The following SOX5 variants were observed in gnomAD, a reference collection of about 807,000 sequenced individuals.
SOX5 encodes the protein transcription factor SOX-5.
SOX5 carries 9 observed loss-of-function variants against 92.0 expected under a neutral mutation model. The ratio of observed to expected loss-of-function variants is 0.10; its 90% confidence interval spans 0.06 to 0.17. SOX5 has a LOEUF of 0.17. Among genes scored for constraint, SOX5 ranks in the 10% least tolerant of loss-of-function variants. The pLI is 1.00. For missense variants in SOX5, 642 were observed against 944.5 expected (o/e 0.68, Z 4.20); for synonymous variants, 344 against 336.3 (o/e 1.02, Z -0.25).
chr12:23,641,152 A>G (rs561281151), intron 7 of SOX5, among the ~76,000 whole-genome samples: 48 of 152,246 alleles, frequency 3.2e-4, no homozygotes, highest in African/African-American at 1.2e-3. Context: ...AATGGGAGGG[A>G]AAGTGAGCAT....
intron 4 of SOX5, among the ~76,000 whole-genome samples, chr12:23,958,096 C>A (rs1218841856): frequency 2.0e-5 from 3 of 151,784 alleles, no homozygotes; most frequent in African/African-American, 7.3e-5. Context: ...TAAAATATAC[C>A]AGTATCCTAA....
intron 4 of SOX5, among the ~76,000 whole-genome samples, chr12:23,956,964 G>A (rs952416526): frequency 6.0e-5 from 9 of 149,094 alleles, no homozygotes; most frequent in Admixed American, 5.3e-4. Context: ...CACCATGCCC[G>A]GCCATTGCCT....
chr12:24,191,797 G>A (rs1052414703), intron 4 of SOX5, among the ~76,000 whole-genome samples: 1 of 152,152 alleles, frequency 6.6e-6, no homozygotes, highest in Non-Finnish European at 1.5e-5. Context: ...GTGTGTCCTA[G>A]ATATGGTAAG....
At chr12:23,737,788 C>T (rs1343451025) in intron 5 of SOX5, among the ~76,000 whole-genome samples, 1 of 152,120 alleles carries the variant, frequency 6.6e-6, no homozygotes, top group African/African-American at 2.4e-5. Context: ...GGCCTTTGCA[C>T]TTACTTTTCC....
At chr12:24,022,153 A>G (rs575617243) in intron 4 of SOX5, among the ~76,000 whole-genome samples, 40 of 152,208 alleles carry the variant, frequency 2.6e-4, no homozygotes, top group Middle Eastern at 3.4e-3. Flanking sequence ...ATAACATCTC[A>G]CGTGTTATTT....
chr12:23,778,573 G>C (rs2095180024), intron 3 of SOX5, among the ~76,000 whole-genome samples: 1 of 152,146 alleles, frequency 6.6e-6, no homozygotes, highest in Non-Finnish European at 1.5e-5. Flanking sequence ...TACCACGAAG[G>C]ATCTTGAATA....
At chr12:23,917,541 A>G in intron 1 of SOX5, among the ~76,000 whole-genome samples, 1 of 152,210 alleles carries the variant, frequency 6.6e-6, no homozygotes, top group Admixed American at 6.5e-5. Context: ...TGAAAGAATG[A>G]GACGCTGCCT....
chr12:23,886,204 G>A (rs762012619), intron 2 of SOX5, among the ~76,000 whole-genome samples: 2 of 151,924 alleles, frequency 1.3e-5, no homozygotes, highest in African/African-American at 2.4e-5. Context: ...GTTTGTCCTT[G>A]TATATACTAT....
In SOX5 at chr12:23,584,730, AG is replaced by A. The variant is rs1950489483; in HGVS notation, c.1165-8893del. 11 of 602,662 alleles carry A rather than the reference AG, an allele frequency of 1.8e-5. No individual in the cohort carries two copies. The South Asian group carries it at 2.2e-4, about 12-fold the overall frequency. 37.3% of individuals were successfully genotyped at this position (602,662 alleles called of 1,614,324 possible). On this transcript the variant is annotated intron_variant, in intron 9 of 14. Coordinates refer to ENST00000451604, the MANE Select transcript of SOX5 (RefSeq NM_006940.6). Reference sequence around the variant, plus strand: ...AGAACCTTGGAGAAGGACAGGTGTGAGTGTGTGTGTGTGTGTGTATGTGTGT... The same window carrying A: ...AGAACCTTGGAGAAGGACAGGTGTGATGTGTGTGTGTGTGTGTATGTGTGT...
At chr12:24,030,771 G>A in intron 4 of SOX5, among the ~76,000 whole-genome samples, 1 of 151,940 alleles carries the variant, frequency 6.6e-6, no homozygotes, top group East Asian at 1.9e-4. Context: ...TGGAATGAGA[G>A]ACAATATTTG....
intron 4 of SOX5, among the ~76,000 whole-genome samples, chr12:23,985,008 C>A (rs1039274573): frequency 3.3e-5 from 5 of 152,048 alleles, no homozygotes; most frequent in African/African-American, 1.2e-4. Flanking sequence ...GCTTAGCGTT[C>A]CAATAATGGA....
rs993566906 is a variant in SOX5 at position 24,238,534 on chromosome 12, C to A, written c.-76-25117G>T. On this transcript the variant is annotated intron_variant, in intron 3 of 4. Coordinates refer to the SOX5 transcript ENST00000446891. ...TGTCCAGCTTATTTTTTGTTGTATT[C>A]TTTTTAGAGATGGGGTTTTGCCATG... 2.0e-5 allele frequency among the ~76,000 whole-genome samples: 3 copies of A among 152,122 alleles called. 1 individual carries two copies. In the East Asian group the frequency reaches 5.8e-4, roughly 29 times the overall value.
intron 4 of SOX5, among the ~76,000 whole-genome samples, chr12:24,131,571 T>A (rs891859549): frequency 2.0e-5 from 3 of 152,222 alleles, no homozygotes; most frequent in African/African-American, 7.2e-5. Context: ...ACTAACACTT[T>A]AAATATGCAG....
intron 1 of SOX5, among the ~76,000 whole-genome samples, chr12:24,424,562 C>T (rs567789871): frequency 6.8e-4 from 103 of 152,194 alleles, no homozygotes; most frequent in Non-Finnish European, 1.1e-3. Context: ...CCCCCCACCC[C>T]CCAAGTTACT....
chr12:24,006,098 G>C (rs1358953327), intron 4 of SOX5, among the ~76,000 whole-genome samples: 1 of 152,048 alleles, frequency 6.6e-6, no homozygotes, highest in Non-Finnish European at 1.5e-5. Context: ...AATCTACAAT[G>C]GGAAAAAATT....
intron 6 of SOX5, among the ~76,000 whole-genome samples, chr12:23,726,885 G>A (rs948507232): frequency 5.9e-5 from 9 of 152,126 alleles, no homozygotes; most frequent in African/African-American, 2.2e-4. Flanking sequence ...CTGTGCCTCT[G>A]ATATTTCAGT....
At chr12:24,323,088 G>T (rs947122335) in intron 2 of SOX5, among the ~76,000 whole-genome samples, 2 of 151,902 alleles carry the variant, frequency 1.3e-5, no homozygotes, top group African/African-American at 4.8e-5. Context: ...AAAATTGTTA[G>T]AAATGCATAA....
At chr12:23,735,711 T>C (rs1034411755) in intron 5 of SOX5, among the ~76,000 whole-genome samples, 1 of 152,178 alleles carries the variant, frequency 6.6e-6, no homozygotes, top group Non-Finnish European at 1.5e-5. Context: ...CAAACTAAAT[T>C]TGAGATTTAG....
intron 1 of SOX5, among the ~76,000 whole-genome samples, chr12:24,503,889 G>T (rs1241720357): frequency 6.6e-6 from 1 of 151,984 alleles, no homozygotes; most frequent in Non-Finnish European, 1.5e-5. Context: ...AGGTTGATGG[G>T]TGCAGCAAAC....
Sources: allele counts gnomAD v4.1 joint callset (sites outside exome capture counted in the v4.1 genomes callset), GRCh38; gene constraint gnomAD v4.1.1; transcripts MANE v1.5; gene names NCBI Gene and HGNC (gene_info 2026-07-23, HGNC 2026-07-21).